The following GRB10 variants were observed in gnomAD, a reference collection of about 807,000 sequenced individuals.
GRB10 encodes growth factor receptor bound protein 10, also known as growth factor receptor-bound protein 10.
GRB10 carries 20 observed loss-of-function variants against 80.9 expected under a neutral mutation model. The ratio of observed to expected loss-of-function variants is 0.25; its 90% confidence interval spans 0.17 to 0.36. The LOEUF (loss-of-function observed/expected upper bound fraction) is 0.36. Among genes scored for constraint, GRB10 ranks in the 10% least tolerant of loss-of-function variants. The pLI is 1.00. For synonymous variants in GRB10, 291 were observed against 291.5 expected, an observed-to-expected ratio of 1.00 and a Z score of 0.02; for missense variants, 548 against 747.7, an observed-to-expected ratio of 0.73 and a Z score of 3.12.
intron 2 of GRB10, among the ~76,000 whole-genome samples, chr7:50,766,226 A>ATCCCCCTCTGCCCTTGTGGAGGGC (rs2076326861): frequency 6.6e-6 from 1 of 152,182 alleles, no homozygotes; most frequent in Non-Finnish European, 1.5e-5. Context: ...GTCCCTTGTG[A>ATCCCCCTCTGCCCTTGTGGAGGGC]TCCCCCTCTG....
intron 7 of GRB10, among the ~76,000 whole-genome samples, chr7:50,661,258 A>G (rs2059241265): frequency 6.6e-6 from 1 of 152,246 alleles, no homozygotes; most frequent in Non-Finnish European, 1.5e-5. Flanking sequence ...TCATTAGTAA[A>G]TAATTGTATG....
chr7:50,665,253 A>G (rs751759301), intron 7 of GRB10, among the ~76,000 whole-genome samples: 7 of 152,218 alleles, frequency 4.6e-5, no homozygotes, highest in Non-Finnish European at 1.0e-4. Context: ...GTGCTCTCTC[A>G]CTTTAATGGT....
intron 7 of GRB10, among the ~76,000 whole-genome samples, chr7:50,649,894 T>C (rs1310676669): frequency 3.3e-5 from 5 of 152,194 alleles, no homozygotes; most frequent in South Asian, 2.1e-4. Flanking sequence ...ATATTTTCTT[T>C]TGTTAAATTT....
intron 2 of GRB10, among the ~76,000 whole-genome samples, chr7:50,770,946 C>A (rs146705300): frequency 3.0e-4 from 46 of 152,188 alleles, no homozygotes; most frequent in Middle Eastern, 3.4e-3. Flanking sequence ...TAATTTTTAA[C>A]AGTGTCAAGG....
intron 4 of GRB10, among the ~76,000 whole-genome samples, chr7:50,717,109 T>C (rs2066990529): frequency 6.6e-6 from 1 of 152,136 alleles, no homozygotes; most frequent in African/African-American, 2.4e-5. Context: ...GAAAACTGAG[T>C]GAGATGAGGT....
At chr7:50,596,760 T>C (rs1254500261) in intron 17 of GRB10, among the ~76,000 whole-genome samples, 3 of 152,220 alleles carry the variant, frequency 2.0e-5, no homozygotes, top group African/African-American at 7.2e-5. Context: ...TGTGCCATAA[T>C]CTTAATAAGG....
chr7:50,598,404 A>G (rs1429883087), intron 17 of GRB10, among the ~76,000 whole-genome samples: 1 of 152,192 alleles, frequency 6.6e-6, no homozygotes, highest in African/African-American at 2.4e-5. Context: ...CAGGATGGAC[A>G]GTGGCAAGAA....
chr7:50,708,673 GTTT>G (rs150250702), intron 4 of GRB10, among the ~76,000 whole-genome samples: 341 of 83,270 alleles, frequency 4.1e-3, no homozygotes, highest in African/African-American at 8.2e-3. Context: ...CTGTGAGTCT[GTTT>G]TTTTTTTTTT....
chr7:50,622,670 C>G (rs1224738318), intron 8 of GRB10, among the ~76,000 whole-genome samples: 1 of 152,172 alleles, frequency 6.6e-6, no homozygotes, highest in Non-Finnish European at 1.5e-5. Context: ...GCCCCAGGCA[C>G]CAGGTGCCCC....
chr7:50,727,508 A>C (rs1328253415), intron 4 of GRB10, among the ~76,000 whole-genome samples: 1 of 152,242 alleles, frequency 6.6e-6, no homozygotes, highest in Non-Finnish European at 1.5e-5. Context: ...TAGAGTTTTC[A>C]ACTGATTCTG....
intron 4 of GRB10, among the ~76,000 whole-genome samples, chr7:50,725,038 G>A (rs556349078): frequency 1.3e-5 from 2 of 152,310 alleles, no homozygotes; most frequent in Non-Finnish European, 1.5e-5. Flanking sequence ...AGCTGTGCCT[G>A]CTGCCTGCTC....
At chr7:50,669,623 TCCCGCCCTTCTTCCCAAAGTA>T in intron 7 of GRB10, 78 bp downstream of exon 7, 1 of 1,187,328 alleles carries the variant, frequency 8.4e-7, no homozygotes, top group Non-Finnish European at 1.2e-6. Flanking sequence ...TCCCAGGACT[TCCCGCCCTTCTTCCCAAAGTA>T]ATAATCTGGC....
chr7:50,635,346 A>G (rs993523967), intron 7 of GRB10, among the ~76,000 whole-genome samples: 1 of 152,188 alleles, frequency 6.6e-6, no homozygotes, highest in Non-Finnish European at 1.5e-5. Context: ...GAGACACAAC[A>G]TATCAACACC....
intron 7 of GRB10, among the ~76,000 whole-genome samples, chr7:50,662,824 G>A (rs745645166): frequency 1.3e-5 from 2 of 152,280 alleles, no homozygotes; most frequent in East Asian, 3.9e-4. Context: ...GTGAGTCTTG[G>A]TCTAACATCA....
intron 6 of GRB10, among the ~76,000 whole-genome samples, chr7:50,671,986 G>A (rs907160534): frequency 6.6e-6 from 1 of 152,234 alleles, no homozygotes. Flanking sequence ...GAGCTGAGGG[G>A]CGAGGTCCTT....
rs181669933 is a variant in GRB10 at position 50,704,851 on chromosome 7, T to A, written c.52-943A>T. ...CGCCACAGAGGCGGCCACTGAGGCA[T>A]GGGAAGGTGAGTTACCCTCACAACC... On this transcript the variant is annotated intron_variant, in intron 4 of 18. Transcript: ENST00000401949. Among the ~76,000 whole-genome samples, 826 of 152,300 alleles carry A rather than the reference T, an allele frequency of 5.4e-3. 11 individuals are homozygous for A. Among genetic ancestry groups the A allele is most frequent in the African/African-American group, 0.019 (786 of 41,574 alleles).
At chr7:50,651,290 T>C (rs1418505061) in intron 7 of GRB10, among the ~76,000 whole-genome samples, 1 of 152,206 alleles carries the variant, frequency 6.6e-6, no homozygotes, top group Non-Finnish European at 1.5e-5. Context: ...TGCGAGCAGG[T>C]CTGATCCTCC....
chr7:50,715,949 C>T (rs1336430269), intron 4 of GRB10, among the ~76,000 whole-genome samples: 1 of 152,198 alleles, frequency 6.6e-6, no homozygotes, highest in East Asian at 1.9e-4. Flanking sequence ...CAAGCTGCAG[C>T]GCAGGGAGGG....
intron 5 of GRB10, among the ~76,000 whole-genome samples, chr7:50,689,057 A>AT (rs2062458522): frequency 6.6e-6 from 1 of 151,932 alleles, no homozygotes; most frequent in Non-Finnish European, 1.5e-5. Flanking sequence ...CTCCGAAACC[A>AT]CTCCCTGCTT....
Sources: allele counts gnomAD v4.1 joint callset (sites outside exome capture counted in the v4.1 genomes callset), GRCh38; gene constraint gnomAD v4.1.1; transcripts MANE v1.5; gene names NCBI Gene and HGNC (gene_info 2026-07-23, HGNC 2026-07-21).